Variants in GRM5 observed in about 807,000 individuals in gnomAD.
The protein encoded by GRM5 is glutamate metabotropic receptor 5.
A neutral mutation model predicts 83.1 loss-of-function variants in GRM5; 19 were observed. That is an observed-to-expected ratio of 0.23 (90% CI 0.16 to 0.34). The LOEUF is 0.34. Among genes scored for constraint, GRM5 ranks in the 10% least tolerant of loss-of-function variants. The probability of loss-of-function intolerance (pLI) is 1.00; values close to 1 mark genes in which losing one functional copy is unlikely to be tolerated. For missense variants in GRM5, 1,160 were observed against 1,588.3 expected (o/e 0.73, Z 4.58); for synonymous variants, 675 against 633.6 (o/e 1.07, Z -0.98).
At chr11:88,591,667 C>A (rs1447667797) in intron 6 of GRM5, among the ~76,000 whole-genome samples, 3 of 152,182 alleles carry the variant, frequency 2.0e-5, no homozygotes. Context: ...CAGCTAGATA[C>A]CTATAGCCAA....
chr11:88,961,116 T>A (rs2134985000), intron 2 of GRM5, among the ~76,000 whole-genome samples: 1 of 152,292 alleles, frequency 6.6e-6, no homozygotes. Context: ...TGTGAATCTC[T>A]AGGTGAGAAA....
chr11:88,963,497 T>A (rs2134989207), intron 2 of GRM5, among the ~76,000 whole-genome samples: 1 of 152,306 alleles, frequency 6.6e-6, no homozygotes, highest in Admixed American at 6.5e-5. Flanking sequence ...AAACTTGCCA[T>A]CCCTTTTATC....
At chr11:88,991,528 G>T (rs975579326) in intron 2 of GRM5, among the ~76,000 whole-genome samples, 8 of 150,712 alleles carry the variant, frequency 5.3e-5, no homozygotes, top group Non-Finnish European at 1.0e-4. Flanking sequence ...AGTTCATATG[G>T]AACCAAAAAA....
intron 3 of GRM5, among the ~76,000 whole-genome samples, chr11:88,806,762 T>G (rs1943505906): frequency 6.6e-6 from 1 of 152,108 alleles, no homozygotes; most frequent in Admixed American, 6.6e-5. Flanking sequence ...ATTTTAGGAT[T>G]TTTTTTGGTA....
At chr11:88,724,607 T>C (rs761626847) in intron 3 of GRM5, among the ~76,000 whole-genome samples, 1 of 151,974 alleles carries the variant, frequency 6.6e-6, no homozygotes, top group Non-Finnish European at 1.5e-5. Flanking sequence ...ATAACAAACA[T>C]AGGTGGCTGG....
intron 7 of GRM5, among the ~76,000 whole-genome samples, chr11:88,575,866 G>C (rs1159193635): frequency 6.6e-6 from 1 of 152,046 alleles, no homozygotes; most frequent in East Asian, 1.9e-4. Flanking sequence ...TTCCTTAATA[G>C]AATTCCTTCA....
At chr11:88,718,989 C>G (rs1380385200) in intron 3 of GRM5, among the ~76,000 whole-genome samples, 1 of 45,688 alleles carries the variant, frequency 2.2e-5, no homozygotes, top group Non-Finnish European at 1.0e-4. Flanking sequence ...TTGCCTCATG[C>G]TATCCCTTGT....
chr11:88,899,168 C>T (rs2135593828), intron 2 of GRM5, among the ~76,000 whole-genome samples: 1 of 151,858 alleles, frequency 6.6e-6, no homozygotes. Flanking sequence ...TTCCCAGGAG[C>T]TTTCTTTCAG....
intron 3 of GRM5, among the ~76,000 whole-genome samples, chr11:88,788,388 G>A (rs1402893054): frequency 6.6e-6 from 1 of 152,084 alleles, no homozygotes; most frequent in Non-Finnish European, 1.5e-5. Flanking sequence ...CGGGAATAAA[G>A]TCAAAGGAAG....
At chr11:88,890,532 A>G (rs543546586) in intron 2 of GRM5, among the ~76,000 whole-genome samples, 1 of 152,324 alleles carries the variant, frequency 6.6e-6, no homozygotes, top group South Asian at 2.1e-4. Flanking sequence ...CTTAAATCAA[A>G]TATGTTTTAG....
chr11:88,812,387 G>A (rs891240032), intron 3 of GRM5, among the ~76,000 whole-genome samples: 3 of 152,098 alleles, frequency 2.0e-5, no homozygotes, highest in Non-Finnish European at 2.9e-5. Flanking sequence ...TGTTCCAACT[G>A]GAGAGGATCT....
chr11:88,765,026 A>G (rs1180714719), intron 3 of GRM5, among the ~76,000 whole-genome samples: 1 of 151,522 alleles, frequency 6.6e-6, no homozygotes, highest in African/African-American at 2.4e-5. Flanking sequence ...AGACATGATG[A>G]AAAATTCTAG....
intron 3 of GRM5, among the ~76,000 whole-genome samples, chr11:88,727,411 G>C (rs1363101380): frequency 6.6e-6 from 1 of 152,162 alleles, no homozygotes; most frequent in Non-Finnish European, 1.5e-5. Context: ...CCAACAAAGA[G>C]ACTTAGATTC....
chr11:88,865,386 T>G (rs1364718915), intron 2 of GRM5, among the ~76,000 whole-genome samples: 1 of 152,134 alleles, frequency 6.6e-6, no homozygotes, highest in Non-Finnish European at 1.5e-5. Flanking sequence ...GATCCTTTCC[T>G]TACACCTTTT....
At chr11:88,693,508 A>G (rs757148422) in intron 3 of GRM5, among the ~76,000 whole-genome samples, 1 of 152,164 alleles carries the variant, frequency 6.6e-6, no homozygotes, top group Non-Finnish European at 1.5e-5. Context: ...AAAAGTATTC[A>G]CCATAAATAC....
rs371327681 is a variant in GRM5, at chr11:89,047,483, C to T, written c.390G>A (p.Val130=). Residue 130 remains valine (V), a synonymous_variant, in exon 2 of 10, where the codon GTG becomes GTA. Coordinates refer to ENST00000305447, the MANE Select transcript of GRM5 (RefSeq NM_001143831.3). The surrounding 1 kb of genome is among the most constrained non-coding windows in gnomAD (Gnocchi z 5.1). ...AGCGGAAGGAAGAGGAGGAGCCATC[C>T]ACACAGCGTACCAAGCCTTCTTCCT... ...SEEEEGLVRC[V]DGSSSSFRSK... is the part of the protein sequence containing the mutation. 5 of 1,614,088 alleles carry T rather than the reference C, an allele frequency of 3.1e-6. No homozygotes were observed. In the East Asian group the frequency reaches 8.9e-5, roughly 29 times the overall value.
chr11:88,923,198 G>T (rs965646477), intron 2 of GRM5, among the ~76,000 whole-genome samples: 1 of 151,996 alleles, frequency 6.6e-6, no homozygotes, highest in Non-Finnish European at 1.5e-5. Context: ...AATTTTACTG[G>T]TATGTACCCA....
chr11:88,798,717 G>A (rs1393625553), intron 3 of GRM5, among the ~76,000 whole-genome samples: 2 of 147,800 alleles, frequency 1.4e-5, no homozygotes, highest in African/African-American at 5.0e-5. Flanking sequence ...GTGGATAGGA[G>A]CATTTGAGAG....
At chr11:88,884,170 A>T (rs1191749529) in intron 2 of GRM5, among the ~76,000 whole-genome samples, 2 of 151,664 alleles carry the variant, frequency 1.3e-5, no homozygotes, top group Non-Finnish European at 2.9e-5. Context: ...CAAGAGCTGG[A>T]GCCCTACACT....
Sources: allele counts gnomAD v4.1 joint callset (sites outside exome capture counted in the v4.1 genomes callset), GRCh38; gene constraint gnomAD v4.1.1; non-coding constraint Gnocchi (gnomAD v3.1); transcripts MANE v1.5; gene names NCBI Gene and HGNC (gene_info 2026-07-23, HGNC 2026-07-21).